CEMIP: variants seen among roughly 807,000 people sequenced by gnomAD.
The protein encoded by CEMIP is cell migration-inducing and hyaluronan-binding protein.
Under a neutral mutation model 156.9 loss-of-function variants are expected in CEMIP, and 105 were observed. The ratio of observed to expected loss-of-function variants is 0.67; its 90% CI spans 0.57 to 0.79. The LOEUF (loss-of-function observed/expected upper bound fraction) is 0.79, where lower values mean the gene tolerates loss of function less well. Among genes scored for constraint, CEMIP ranks in the 30% least tolerant of loss-of-function variants. The pLI is 0.00. For missense variants in CEMIP, 1,457 were observed against 1,769.4 expected (o/e 0.82, Z 3.17); for synonymous variants, 676 against 668.4 (o/e 1.01, Z -0.17).
chr15:80,942,051 C>T lies in CEMIP; in HGVS notation c.3610C>T (p.Leu1204=). The part of the protein sequence containing the change: ...PMPKKLFGSQ[L]KTKDHFLEVK... Reference sequence around the variant, plus strand: ...GCCCAAGAAGCTCTTTGGTTCTCAGCTGGTGAGTGGCTGAGAGCAAAGCCT... The same window carrying T: ...GCCCAAGAAGCTCTTTGGTTCTCAGTTGGTGAGTGGCTGAGAGCAAAGCCT... The change falls in exon 26 of 30, where the codon CTG becomes TTG. Residue 1204 remains leucine, a splice_region_variant and synonymous_variant. Coordinates refer to ENST00000394685, the MANE Select transcript of CEMIP (RefSeq NM_001293298.2). 1 of 1,613,192 alleles carries T rather than the reference C, an allele frequency of 6.2e-7. No homozygotes were observed. Among genetic ancestry groups the T allele is most frequent in the Non-Finnish European group, 8.5e-7 (1 of 1,179,522 alleles).
rs870697 is a variant in CEMIP, at chr15:80,870,742, C to A, written c.-175-2796C>A. ...ACTGAGCAGCAGTTGGACTTGGGGG[C>A]AGCCGAGCTTCTGGAAAATTTTAGC... is the stretch of plus-strand genomic sequence containing the variant. On this transcript the variant is annotated intron_variant, in intron 1 of 29. Transcript: ENST00000394685. Among the ~76,000 whole-genome samples, 1,413 of 152,358 alleles carry A rather than the reference C, an allele frequency of 9.3e-3. 22 individuals carry two copies. Among genetic ancestry groups the A allele is most frequent in the African/African-American group, 0.031 (1,284 of 41,578 alleles).
intron 12 of CEMIP, among the ~76,000 whole-genome samples, chr15:80,899,695 T>G (rs1307146521): frequency 6.6e-6 from 1 of 152,026 alleles, no homozygotes; most frequent in African/African-American, 2.4e-5. Flanking sequence ...TTATTCTGAG[T>G]GCACAGGGAA....
intron 14 of CEMIP, among the ~76,000 whole-genome samples, chr15:80,913,665 T>TGCTTATTAAATAGTATC (rs1900150973): frequency 6.6e-6 from 1 of 152,206 alleles, no homozygotes; most frequent in East Asian, 1.9e-4. Flanking sequence ...TAAATAGTAT[T>TGCTTATTAAATAGTATC]GCTTATTAAA....
At chr15:80,860,505 T>C (rs1341042079) in intron 1 of CEMIP, among the ~76,000 whole-genome samples, 2 of 152,202 alleles carry the variant, frequency 1.3e-5, no homozygotes, top group African/African-American at 4.8e-5. Flanking sequence ...GGGATGAGAA[T>C]GGAACAATGC....
intron 7 of CEMIP, among the ~76,000 whole-genome samples, chr15:80,885,497 A>G (rs1898803860): frequency 6.6e-6 from 1 of 152,240 alleles, no homozygotes; most frequent in African/African-American, 2.4e-5. Flanking sequence ...CTGTTGTTTT[A>G]TAAACCAAAA....
chr15:80,852,236 A>C (rs1326297874), intron 1 of CEMIP, among the ~76,000 whole-genome samples: 5 of 152,176 alleles, frequency 3.3e-5, no homozygotes, highest in African/African-American at 1.2e-4. Context: ...TGATTATGTG[A>C]ATTTGGACAA....
intron 9 of CEMIP, among the ~76,000 whole-genome samples, 200 bp from the exon 10 acceptor site, chr15:80,889,271 C>T (rs988057615): frequency 5.9e-5 from 9 of 152,220 alleles, no homozygotes; most frequent in Non-Finnish European, 1.0e-4. Context: ...GTAAGAAACT[C>T]ATTAAGAGAA....
At chr15:80,827,947 AC>A (rs1897075891) in intron 1 of CEMIP, among the ~76,000 whole-genome samples, 1 of 152,170 alleles carries the variant, frequency 6.6e-6, no homozygotes, top group African/African-American at 2.4e-5. Context: ...ACAGTCTCAT[AC>A]CACCTCTGTC....
rs186114882 is a variant in CEMIP, at chr15:80,840,160, C to T, written c.-175-33378C>T. ...TGCTTCCTAGGGGCTCGGAGGGTGG[C>T]CCCAGAAGACCCCGGGGGATCAGTG... On this transcript the variant is annotated intron_variant, in intron 1 of 29. Transcript: ENST00000394685. Among the ~76,000 whole-genome samples the T allele has an allele frequency of 4.9e-4, 74 of 152,218 alleles. 1 individual carries two copies. The East Asian group carries it at 0.011, about 23-fold the overall frequency.
At chr15:80,876,233 C>T (rs1661881810) in intron 3 of CEMIP, among the ~76,000 whole-genome samples, 2 of 152,214 alleles carry the variant, frequency 1.3e-5, no homozygotes, top group Admixed American at 1.3e-4. Context: ...AGCCCAGGGC[C>T]TCTGACTGGC....
chr15:80,856,503 G>A (rs944206200), intron 1 of CEMIP, among the ~76,000 whole-genome samples: 2 of 152,314 alleles, frequency 1.3e-5, no homozygotes, highest in South Asian at 2.1e-4. Flanking sequence ...CAACTTGGCT[G>A]TGTGTTTGAA....
At chr15:80,888,886 T>C (rs1898941472) in intron 9 of CEMIP, 90 bp downstream of exon 9, 1 of 1,139,196 alleles carries the variant, frequency 8.8e-7, no homozygotes, top group South Asian at 1.2e-5. Flanking sequence ...TTATCTCTTA[T>C]ACCAGTAGGA....
At chr15:80,881,732 G>T (rs1331155120) in intron 6 of CEMIP, among the ~76,000 whole-genome samples, 1 of 152,206 alleles carries the variant, frequency 6.6e-6, no homozygotes, top group Non-Finnish European at 1.5e-5. Context: ...GTCACTGAAA[G>T]TCTTTAAGAA....
intron 25 of CEMIP, chr15:80,938,333 T>C (rs1596207496): frequency 3.5e-6 from 1 of 283,870 alleles, no homozygotes; most frequent in East Asian, 9.9e-5. Flanking sequence ...GATGGGCAGC[T>C]GGGTGTGGTG....
At chr15:80,804,798 G>A (rs1441544964) in intron 1 of CEMIP, among the ~76,000 whole-genome samples, 2 of 152,172 alleles carry the variant, frequency 1.3e-5, no homozygotes, top group African/African-American at 4.8e-5. Context: ...GATAAGGGGA[G>A]ACAGAGTTCT....
intron 14 of CEMIP, among the ~76,000 whole-genome samples, chr15:80,915,004 C>T (rs1900215177): frequency 6.6e-6 from 1 of 152,046 alleles, no homozygotes; most frequent in Non-Finnish European, 1.5e-5. Context: ...TGAGTCAGTT[C>T]CTGGGTGGGG....
intron 5 of CEMIP, 61 bp downstream of exon 5, chr15:80,879,915 C>T: frequency 2.5e-6 from 4 of 1,600,286 alleles, no homozygotes; most frequent in Non-Finnish European, 1.7e-6. Context: ...GGGAGACTTT[C>T]CAAGACAGAG....
intron 4 of CEMIP, 24 bp downstream of exon 4, chr15:80,878,891 T>C: frequency 6.2e-7 from 1 of 1,614,000 alleles, no homozygotes; most frequent in Non-Finnish European, 8.5e-7. Flanking sequence ...TCTCTGCTGC[T>C]CCCTCTTCCC....
chr15:80,838,860 G>A (rs1260713054), intron 1 of CEMIP, among the ~76,000 whole-genome samples: 3 of 152,204 alleles, frequency 2.0e-5, no homozygotes, highest in Non-Finnish European at 2.9e-5. Context: ...CTAGGACGGG[G>A]CAGACTGAGT....
Sources: gnomAD v4.1 joint callset for allele counts (sites outside exome capture counted in the v4.1 genomes callset) on GRCh38, gnomAD v4.1.1 for gene constraint, MANE v1.5 for transcripts, NCBI Gene and HGNC (gene_info 2026-07-23, HGNC 2026-07-21) for gene names.